Variants in HECW2 observed in about 807,000 individuals in gnomAD.
The protein encoded by HECW2 is HECT, C2 and WW domain containing E3 ubiquitin protein ligase 2, also known as E3 ubiquitin-protein ligase HECW2.
In HECW2, 61 loss-of-function variants were observed where a neutral mutation model predicts 175.2. The ratio of observed to expected loss-of-function variants is 0.35; its 90% CI spans 0.28 to 0.43. The LOEUF is 0.43. Ranked by LOEUF, HECW2 falls within the 20% of genes least tolerant of loss-of-function variation. HECW2 has a pLI of 1.00. For missense variants in HECW2, 1,524 were observed against 2,000.5 expected (o/e 0.76, Z 4.54); for synonymous variants, 671 against 731.0 (o/e 0.92, Z 1.32).
At chr2:196,542,880 C>G (rs1559167644) in intron 1 of HECW2, among the ~76,000 whole-genome samples, 1 of 147,188 alleles carries the variant, frequency 6.8e-6, no homozygotes, top group African/African-American at 2.5e-5. Flanking sequence ...TAATATATAT[C>G]TATATATAGG....
At chr2:196,388,618 C>T (rs1694419209) in intron 2 of HECW2, among the ~76,000 whole-genome samples, 1 of 152,156 alleles carries the variant, frequency 6.6e-6, no homozygotes, top group South Asian at 2.1e-4. Flanking sequence ...AGGTATGTAA[C>T]TGCTATGCTA....
chr2:196,394,585 C>A (rs1277706145), intron 2 of HECW2, among the ~76,000 whole-genome samples: 1 of 57,774 alleles, frequency 1.7e-5, no homozygotes, highest in Non-Finnish European at 4.6e-5. Flanking sequence ...AACGATCTCT[C>A]CAATCCTGTC....
At chr2:196,385,813 T>C (rs772563520) in intron 2 of HECW2, among the ~76,000 whole-genome samples, 2 of 152,224 alleles carry the variant, frequency 1.3e-5, no homozygotes, top group Non-Finnish European at 2.9e-5. Context: ...TTTGTTTTTT[T>C]TCCTAATTAC....
intron 1 of HECW2, among the ~76,000 whole-genome samples, chr2:196,497,519 C>T (rs1042844167): frequency 6.6e-6 from 1 of 152,100 alleles, no homozygotes; most frequent in African/African-American, 2.4e-5. Context: ...AATGCACTGT[C>T]GGGATCCAGA....
intron 1 of HECW2, among the ~76,000 whole-genome samples, chr2:196,554,304 C>A (rs575051469): frequency 6.6e-6 from 1 of 150,876 alleles, no homozygotes; most frequent in Admixed American, 6.6e-5. Flanking sequence ...CCCGCCTGGG[C>A]GACAGAATGA....
At chr2:196,430,897 T>C (rs1695692160) in intron 2 of HECW2, among the ~76,000 whole-genome samples, 1 of 151,986 alleles carries the variant, frequency 6.6e-6, no homozygotes, top group Admixed American at 6.5e-5. Context: ...GTGGCCAACA[T>C]TTGTCCAAAT....
chr2:196,454,316 C>T (rs10469752), intron 1 of HECW2, among the ~76,000 whole-genome samples: 20,141 of 152,156 alleles, frequency 0.13, 1,802 homozygotes, highest in African/African-American at 0.26. Context: ...TATTTTGTAG[C>T]TTGCTTTGTT....
At chr2:196,529,486 C>G (rs1321751223) in intron 1 of HECW2, among the ~76,000 whole-genome samples, 2 of 152,152 alleles carry the variant, frequency 1.3e-5, no homozygotes, top group Admixed American at 1.3e-4. Flanking sequence ...TCATCTGTCA[C>G]ACAGGAATAA....
At chr2:196,270,712 T>G (rs1689697567) in intron 17 of HECW2, among the ~76,000 whole-genome samples, 1 of 152,026 alleles carries the variant, frequency 6.6e-6, no homozygotes, top group Admixed American at 6.6e-5. Context: ...TTTATTTATT[T>G]TTTTTTTGAG....
Position 196,568,934 on chromosome 2 carries a change from A to G in HECW2, c.-36+24574T>C, listed in dbSNP as rs551634402. On this transcript the variant is annotated intron_variant, in intron 1 of 28. Coordinates refer to ENST00000644978, the MANE Select transcript of HECW2 (RefSeq NM_001348768.2). ...TCAATGCTTCAAACATCCCAGGTCC[A>G]GGGTGTTTTCAGTTGTGTATGTTAA... Among the ~76,000 whole-genome samples the G allele has an allele frequency of 6.6e-5, 10 of 152,332 alleles. No individual in the cohort carries two copies. The South Asian group carries it at 1.2e-3, about 19-fold the overall frequency.
intron 17 of HECW2, among the ~76,000 whole-genome samples, chr2:196,266,453 T>G (rs2105948691): frequency 6.6e-6 from 1 of 152,350 alleles, no homozygotes; most frequent in African/African-American, 2.4e-5. Flanking sequence ...TATTTAAGTT[T>G]GGTACAGCAA....
intron 2 of HECW2, among the ~76,000 whole-genome samples, chr2:196,391,284 G>A (rs1304828749): frequency 6.6e-6 from 1 of 152,070 alleles, no homozygotes; most frequent in Non-Finnish European, 1.5e-5. Context: ...ACAGTACCCT[G>A]CCCCACTGTT....
intron 1 of HECW2, among the ~76,000 whole-genome samples, chr2:196,549,765 A>T (rs939656330): frequency 3.3e-5 from 5 of 152,210 alleles, no homozygotes; most frequent in Admixed American, 3.3e-4. Context: ...TTCTTCAGCA[A>T]TGCCTCCACA....
chr2:196,486,977 CT>C (rs1687028522), intron 1 of HECW2, among the ~76,000 whole-genome samples: 1 of 151,832 alleles, frequency 6.6e-6, no homozygotes, highest in South Asian at 2.1e-4. Context: ...CTACAAAAAA[CT>C]TTTTTAAAAA....
At chr2:196,484,807 C>T (rs576220063) in intron 1 of HECW2, among the ~76,000 whole-genome samples, 75 of 152,214 alleles carry the variant, frequency 4.9e-4, no homozygotes, top group African/African-American at 1.8e-3. Flanking sequence ...CAGAGGACTC[C>T]GAATGTACAG....
chr2:196,299,547 G>A (rs564587085), intron 13 of HECW2, among the ~76,000 whole-genome samples: 8 of 152,114 alleles, frequency 5.3e-5, no homozygotes, highest in Non-Finnish European at 1.0e-4. Context: ...CAGACTGCTG[G>A]GACCCACTCC....
chr2:196,433,080 C>A, intron 2 of HECW2, 52 bp downstream of exon 2: 1 of 1,508,660 alleles, frequency 6.6e-7, no homozygotes, highest in Non-Finnish European at 8.9e-7. Context: ...AAATGTCAAA[C>A]TAAAAACTTG....
intron 13 of HECW2, among the ~76,000 whole-genome samples, chr2:196,295,205 A>G (rs1037212809): frequency 1.3e-5 from 2 of 152,206 alleles, no homozygotes; most frequent in Non-Finnish European, 2.9e-5. Flanking sequence ...AGGCCTATGC[A>G]TGGGCTCTGG....
chr2:196,388,355 T>A (rs1694410795), intron 2 of HECW2, among the ~76,000 whole-genome samples: 1 of 152,210 alleles, frequency 6.6e-6, no homozygotes, highest in African/African-American at 2.4e-5. Flanking sequence ...GATTTTTGTT[T>A]TTTCATGGCT....
Sources: allele counts gnomAD v4.1 joint callset (sites outside exome capture counted in the v4.1 genomes callset), GRCh38; gene constraint gnomAD v4.1.1; transcripts MANE v1.5; gene names NCBI Gene and HGNC (gene_info 2026-07-23, HGNC 2026-07-21).